EFCAB6: variants seen among roughly 807,000 people sequenced by gnomAD.
EFCAB6 encodes the protein EF-hand calcium-binding domain-containing protein 6.
In EFCAB6, 156 loss-of-function variants were observed where a neutral mutation model predicts 169.8. That is an observed-to-expected ratio of 0.92 (90% CI 0.81 to 1.05). The LOEUF is 1.05. Among genes scored for constraint, EFCAB6 ranks in the 50% least tolerant of loss-of-function variants. The pLI is 0.00. For missense variants in EFCAB6, 1,800 were observed against 1,829.1 expected (o/e 0.98, Z 0.29); for synonymous variants, 698 against 676.4 (o/e 1.03, Z -0.50).
At chr22:43,595,500 A>C (rs1176682649) in intron 23 of EFCAB6, among the ~76,000 whole-genome samples, 2 of 152,140 alleles carry the variant, frequency 1.3e-5, no homozygotes, top group Non-Finnish European at 2.9e-5. Context: ...TATGCTGACA[A>C]ATGGGAAAAC....
At chr22:43,808,749 T>C (rs1489654938) in intron 2 of EFCAB6, among the ~76,000 whole-genome samples, 1 of 149,906 alleles carries the variant, frequency 6.7e-6, no homozygotes, top group Non-Finnish European at 1.5e-5. Context: ...AAAAAGTGAG[T>C]CCAGAAAAAA....
intron 21 of EFCAB6, among the ~76,000 whole-genome samples, chr22:43,614,916 G>C (rs1188497457): frequency 2.6e-5 from 4 of 152,184 alleles, no homozygotes; most frequent in Non-Finnish European, 5.9e-5. Flanking sequence ...AGCACAGACA[G>C]TCCACTCTAT....
At chr22:43,564,067 G>A (rs186814629) in intron 26 of EFCAB6, among the ~76,000 whole-genome samples, 9 of 152,286 alleles carry the variant, frequency 5.9e-5, no homozygotes, top group Non-Finnish European at 1.2e-4. Flanking sequence ...CTGAGAAATG[G>A]GGATAACCAC....
intron 26 of EFCAB6, among the ~76,000 whole-genome samples, chr22:43,563,982 G>T (rs1345788660): frequency 6.6e-6 from 1 of 152,224 alleles, no homozygotes; most frequent in East Asian, 1.9e-4. Flanking sequence ...ATTGAGGTGA[G>T]GGCCCAATGC....
intron 10 of EFCAB6, among the ~76,000 whole-genome samples, chr22:43,702,123 C>T (rs1367895501): frequency 6.6e-6 from 1 of 152,168 alleles, no homozygotes; most frequent in African/African-American, 2.4e-5. Flanking sequence ...TACTTTACAC[C>T]TCATGAGTTA....
At chr22:43,749,494 C>T (rs915641833) in intron 6 of EFCAB6, among the ~76,000 whole-genome samples, 1 of 152,084 alleles carries the variant, frequency 6.6e-6, no homozygotes, top group Admixed American at 6.5e-5. Flanking sequence ...ACTGTTCCAC[C>T]TCAGACCATC....
At chr22:43,797,786 C>T (rs1603384947) in intron 2 of EFCAB6, among the ~76,000 whole-genome samples, 1 of 152,168 alleles carries the variant, frequency 6.6e-6, no homozygotes, top group African/African-American at 2.4e-5. Flanking sequence ...TTTGTGGCTG[C>T]AGCACAGGCC....
chr22:43,722,884 T>C (rs2059589787), intron 8 of EFCAB6, among the ~76,000 whole-genome samples: 1 of 152,068 alleles, frequency 6.6e-6, no homozygotes, highest in African/African-American at 2.4e-5. Context: ...TAAAAAAGAA[T>C]AAAATCAAGT....
At chr22:43,695,309 G>A (rs1424572619) in intron 10 of EFCAB6, among the ~76,000 whole-genome samples, 5 of 151,870 alleles carry the variant, frequency 3.3e-5, no homozygotes, top group African/African-American at 9.7e-5. Context: ...TGCAAGATCC[G>A]AACATTGTAA....
At chr22:43,723,463 G>A (rs1023100990) in intron 8 of EFCAB6, among the ~76,000 whole-genome samples, 4 of 152,188 alleles carry the variant, frequency 2.6e-5, no homozygotes, top group African/African-American at 9.7e-5. Context: ...AAGAGACTCA[G>A]ATGAAAACCT....
chr22:43,608,525 C>A lies in EFCAB6; in HGVS notation c.2638G>T (p.Asp880Tyr). The change falls in exon 22 of 32, where the codon GAT becomes TAT. Residue 880 changes from aspartate (D) to tyrosine (Y), a missense_variant. By Grantham distance (160) the Asp-to-Tyr change is radical. Coordinates refer to ENST00000262726, the MANE Select transcript of EFCAB6 (RefSeq NM_022785.4). Reference sequence around the variant, plus strand: ...AACTCTCTTGGTGTGAGGGGAATATCAAAACCGTACAGTGCGTTCTTTATG... The same window carrying A: ...AACTCTCTTGGTGTGAGGGGAATATAAAAACCGTACAGTGCGTTCTTTATG... ...RDIKNALYGF[D>Y]IPLTPREFEK... The A allele has an allele frequency of 6.2e-7, 1 of 1,614,170 alleles. No homozygotes were observed. The highest frequency in any genetic ancestry group is 8.5e-7 in the Non-Finnish European group (1 of 1,180,036).
At chr22:43,540,574 T>G (rs1385677102) in intron 27 of EFCAB6, 2 of 1,497,834 alleles carry the variant, frequency 1.3e-6, no homozygotes. Flanking sequence ...GGATTATTCA[T>G]GGCTTCTGCA....
intron 25 of EFCAB6, 21 bp downstream of exon 25, chr22:43,580,443 A>C: frequency 6.2e-7 from 1 of 1,611,774 alleles, no homozygotes; most frequent in Middle Eastern, 1.7e-4. Flanking sequence ...TTCACAGTAA[A>C]GCACTTTCAG....
intron 19 of EFCAB6, among the ~76,000 whole-genome samples, chr22:43,631,641 T>C (rs1723454697): frequency 6.6e-6 from 1 of 152,030 alleles, no homozygotes; most frequent in Admixed American, 6.5e-5. Flanking sequence ...TGAATATGAC[T>C]TGTCTGTTTA....
At chr22:43,705,264 C>A (rs1272464058) in intron 10 of EFCAB6, among the ~76,000 whole-genome samples, 1 of 151,946 alleles carries the variant, frequency 6.6e-6, no homozygotes, top group East Asian at 1.9e-4. Context: ...GGTCAGATTG[C>A]AATATAATAA....
At chr22:43,689,349 G>GCACACACACACA (rs3221390) in intron 10 of EFCAB6, among the ~76,000 whole-genome samples, 2,748 of 147,026 alleles carry the variant, frequency 0.019, 51 homozygotes, top group African/African-American at 0.043. Context: ...GAGAGCACGT[G>GCACACACACACA]CACACACACA....
intron 17 of EFCAB6, among the ~76,000 whole-genome samples, chr22:43,653,542 T>A (rs1467436201): frequency 6.6e-6 from 1 of 152,140 alleles, no homozygotes; most frequent in Non-Finnish European, 1.5e-5. Flanking sequence ...ATTCCCATCC[T>A]TACAACAAGA....
rs2046889865 is a variant in EFCAB6 at position 43,528,846 on chromosome 22, G to C, written c.*7C>G. ...CTGTCGTCCCGCTGGGCACACAGCA[G>C]GGGTGTCTACTGGAGGAATGCCCGG... On this transcript the variant is annotated 3_prime_UTR_variant, in exon 32 of 32. Coordinates refer to ENST00000262726, the MANE Select transcript of EFCAB6 (RefSeq NM_022785.4). 6.2e-7 allele frequency: 1 copy of C among 1,600,322 alleles called. No individual in the cohort carries two copies. Among genetic ancestry groups the C allele is most frequent in the Non-Finnish European group, 8.6e-7 (1 of 1,168,754 alleles).
At chr22:43,738,338 C>A (rs2060242295) in intron 6 of EFCAB6, among the ~76,000 whole-genome samples, 2 of 150,628 alleles carry the variant, frequency 1.3e-5, no homozygotes, top group Non-Finnish European at 3.0e-5. Context: ...TCACACACAC[C>A]TGCATATACT....
Sources: allele counts gnomAD v4.1 joint callset (sites outside exome capture counted in the v4.1 genomes callset), GRCh38; gene constraint gnomAD v4.1.1; transcripts MANE v1.5; gene names NCBI Gene and HGNC (gene_info 2026-07-23, HGNC 2026-07-21).